UNC13B: variants seen among roughly 807,000 people sequenced by gnomAD.
UNC13B encodes the protein unc-13 homolog B.
A neutral mutation model predicts 211.0 loss-of-function variants in UNC13B; 144 were observed. The ratio of observed to expected loss-of-function variants is 0.68; its 90% CI spans 0.60 to 0.78. The LOEUF is 0.78. UNC13B is among the 30% of genes least tolerant of loss of function. The pLI, the probability that UNC13B is intolerant of heterozygous loss-of-function variation, is 0.00. For missense variants in UNC13B, 1,777 were observed against 2,002.0 expected, an observed-to-expected ratio of 0.89 and a Z score of 2.14; for synonymous variants, 709 against 725.8, an observed-to-expected ratio of 0.98 and a Z score of 0.37.
In UNC13B at chr9:35,384,227, A is replaced by T. The variant is rs780192357; in HGVS notation, c.10807-19A>T. 3 of 1,613,398 alleles carry T rather than the reference A, an allele frequency of 1.9e-6. No individual in the cohort carries two copies. In the African/African-American group the frequency reaches 4.0e-5, roughly 22 times the overall value. On this transcript the variant is annotated intron_variant, in intron 21 of 39. Transcript: ENST00000635942. ...ACAGGTTCTCTTTTTCTTCCCCTTT[A>T]TTTGTTTCTCACCCTCAGAAAGAGA...
intron 1 of UNC13B, among the ~76,000 whole-genome samples, chr9:35,202,474 G>A (rs1053291239): frequency 3.3e-5 from 5 of 152,140 alleles, no homozygotes; most frequent in Non-Finnish European, 7.3e-5. Flanking sequence ...TTATTATTGT[G>A]TAGGAGTCTA....
intron 11 of UNC13B, among the ~76,000 whole-genome samples, chr9:35,340,456 A>AAG (rs1249062300): frequency 1.6e-4 from 24 of 152,320 alleles, no homozygotes; most frequent in Middle Eastern, 3.4e-3. Flanking sequence ...TTCTTAATTT[A>AAG]AATGCTTGTT....
chr9:35,279,206 C>T (rs1169001734), intron 7 of UNC13B, among the ~76,000 whole-genome samples: 1 of 152,172 alleles, frequency 6.6e-6, no homozygotes, highest in Non-Finnish European at 1.5e-5. Flanking sequence ...CCATTCTCTC[C>T]ACCCCTCACC....
chr9:35,324,949 C>G (rs1564137022), intron 11 of UNC13B, among the ~76,000 whole-genome samples: 1 of 152,132 alleles, frequency 6.6e-6, no homozygotes, highest in Non-Finnish European at 1.5e-5. Flanking sequence ...CAGCTTGTCC[C>G]AATCAAAAGA....
At chr9:35,316,667 CT>C (rs1210276066) in intron 11 of UNC13B, among the ~76,000 whole-genome samples, 3 of 151,988 alleles carry the variant, frequency 2.0e-5, no homozygotes, top group Non-Finnish European at 2.9e-5. Flanking sequence ...GAAAATATTT[CT>C]CACAATTTTG....
At chr9:35,350,415 G>C (rs1459194204) in intron 11 of UNC13B, among the ~76,000 whole-genome samples, 1 of 152,224 alleles carries the variant, frequency 6.6e-6, no homozygotes, top group Non-Finnish European at 1.5e-5. Context: ...TAATACTTGA[G>C]CAGTGGACAG....
intron 11 of UNC13B, among the ~76,000 whole-genome samples, chr9:35,346,289 T>G (rs928888561): frequency 6.6e-6 from 1 of 152,190 alleles, no homozygotes; most frequent in Non-Finnish European, 1.5e-5. Flanking sequence ...GCTTGATATA[T>G]GTACATCGAG....
intron 10 of UNC13B, among the ~76,000 whole-genome samples, chr9:35,312,808 G>T (rs1196745398): frequency 6.6e-6 from 1 of 152,194 alleles, no homozygotes; most frequent in Admixed American, 6.5e-5. Context: ...CTAATGCAGG[G>T]TAGTGTTTCT....
chr9:35,219,810 A>G (rs756660283), intron 1 of UNC13B, among the ~76,000 whole-genome samples: 20 of 152,082 alleles, frequency 1.3e-4, no homozygotes, highest in Non-Finnish European at 2.6e-4. Context: ...TTACTGTCTC[A>G]ATCTCTCTTT....
At chr9:35,291,796 A>G (rs569770536) in intron 7 of UNC13B, among the ~76,000 whole-genome samples, 9 of 152,278 alleles carry the variant, frequency 5.9e-5, no homozygotes, top group African/African-American at 2.2e-4. Flanking sequence ...GTGATTAGGT[A>G]TCCAGTAGGT....
At chr9:35,185,263 A>G (rs1462800266) in intron 1 of UNC13B, among the ~76,000 whole-genome samples, 2 of 152,178 alleles carry the variant, frequency 1.3e-5, no homozygotes, top group African/African-American at 4.8e-5. Context: ...GGAGGATATT[A>G]TTTGTAGTTG....
chr9:35,362,968 T>C (rs2132133300), intron 11 of UNC13B, among the ~76,000 whole-genome samples: 1 of 152,286 alleles, frequency 6.6e-6, no homozygotes, highest in South Asian at 2.1e-4. Flanking sequence ...CAGAGAAGGC[T>C]TCCCAGAACT....
intron 3 of UNC13B, among the ~76,000 whole-genome samples, chr9:35,235,991 C>G (rs1825482742): frequency 6.6e-6 from 1 of 150,868 alleles, no homozygotes; most frequent in African/African-American, 2.4e-5. Context: ...TTCCCGCCCC[C>G]CCTCCCCACT....
intron 10 of UNC13B, among the ~76,000 whole-genome samples, chr9:35,312,543 T>G (rs1830228954): frequency 1.3e-5 from 2 of 152,190 alleles, no homozygotes; most frequent in Admixed American, 1.3e-4. Context: ...GTCCTTGTCC[T>G]TCTCTACTGG....
intron 7 of UNC13B, among the ~76,000 whole-genome samples, chr9:35,271,105 C>CT (rs1473725530): frequency 6.8e-6 from 1 of 146,644 alleles, no homozygotes; most frequent in East Asian, 2.0e-4. Context: ...CGCCACTGCA[C>CT]TCCAGCCTGG....
rs200818602 is a variant in UNC13B at position 35,382,468 on chromosome 9, T to A, written c.10767T>A (p.Asn3589Lys). ...AYYAHTTASTNVSASDRFAAS... is the reference protein window; with the variant it reads ...AYYAHTTASTKVSASDRFAAS... ...ATGCCCACACAACTGCCTCTACCAA[T>A]GTCTCTGCATCTGATCGCTTTGCAG... The change falls in exon 21 of 40, where the codon AAT (asparagine) becomes AAA (lysine). Residue 3589 changes from asparagine to lysine, a missense_variant. Coordinates refer to ENST00000635942, the MANE Select transcript of UNC13B (RefSeq NM_001371189.2). 1 of 1,614,164 alleles carries A rather than the reference T, an allele frequency of 6.2e-7. No homozygotes were observed. The highest frequency in any genetic ancestry group is 8.5e-7 in the Non-Finnish European group (1 of 1,180,020).
rs139213729 is a variant in UNC13B at position 35,346,528 on chromosome 9, T to C, written c.9415-20419T>C. On this transcript the variant is annotated intron_variant, in intron 11 of 39. Coordinates refer to ENST00000635942, the MANE Select transcript of UNC13B (RefSeq NM_001371189.2). ...TTAAGGGATCTACTCCCTGCAGTAATTGTTAGCTTTCCATCATTAAAGCTT... is the reference window on the plus strand; with the variant it reads ...TTAAGGGATCTACTCCCTGCAGTAACTGTTAGCTTTCCATCATTAAAGCTT... Among the ~76,000 whole-genome samples, 3 of 152,330 alleles carry C rather than the reference T, an allele frequency of 2.0e-5. No homozygotes were observed. The East Asian group carries it at 5.8e-4, about 29-fold the overall frequency.
At chr9:35,232,203 C>T in intron 3 of UNC13B, among the ~76,000 whole-genome samples, 1 of 6,760 alleles carries the variant, frequency 1.5e-4, no homozygotes, top group African/African-American at 6.6e-4. Flanking sequence ...TTTTTTGAGG[C>T]AGGATCTCAC....
At chr9:35,341,802 G>A (rs1400164790) in intron 11 of UNC13B, 1 of 361,016 alleles carries the variant, frequency 2.8e-6, no homozygotes, top group Non-Finnish European at 3.9e-6. Flanking sequence ...AACGTGTGAG[G>A]AGGGCTGGTG....
Sources: gnomAD v4.1 joint callset for allele counts (sites outside exome capture counted in the v4.1 genomes callset) on GRCh38, gnomAD v4.1.1 for gene constraint, MANE v1.5 for transcripts, NCBI Gene and HGNC (gene_info 2026-07-23, HGNC 2026-07-21) for gene names.